Variants in ZNF841 observed in about 807,000 individuals in gnomAD.
The protein encoded by ZNF841 is TCONS_00006091.
Under a neutral mutation model 13.0 loss-of-function variants are expected in ZNF841, and 11 were observed. The ratio of observed to expected loss-of-function variants is 0.85; its 90% confidence interval spans 0.53 to 1.40. The LOEUF (loss-of-function observed/expected upper bound fraction) is 1.40. ZNF841 is among the 40% of genes most tolerant of loss of function. ZNF841 has a pLI of 0.00. For missense variants in ZNF841, 1,068 were observed against 1,139.5 expected, an observed-to-expected ratio of 0.94 and a Z score of 0.90; for synonymous variants, 369 against 381.6, an observed-to-expected ratio of 0.97 and a Z score of 0.38.
intron 2 of ZNF841, among the ~76,000 whole-genome samples, chr19:52,090,724 AAAAG>A (rs2088467662): frequency 6.6e-6 from 1 of 151,152 alleles, no homozygotes; most frequent in African/African-American, 2.4e-5. Context: ...AAAGAAAGAA[AAAAG>A]AAAGGACTGT....
intron 4 of ZNF841, among the ~76,000 whole-genome samples, chr19:52,080,030 C>T (rs1253868350): frequency 6.7e-6 from 1 of 149,486 alleles, no homozygotes; most frequent in Non-Finnish European, 1.5e-5. Flanking sequence ...AACATGATTG[C>T]AACCCAGAAA....
rs1185890558 is a variant in ZNF841, at chr19:52,066,632, G to C, written c.1250C>G (p.Thr417Ser). 1.9e-6 allele frequency: 3 copies of C among 1,613,592 alleles called. No homozygotes were observed. The Admixed American group carries it at 5.0e-5, about 27-fold the overall frequency. Residue 417 changes from threonine to serine, a missense_variant, in exon 7 of 7, where the codon ACT (threonine) becomes AGT (serine). Coordinates refer to ENST00000594440, the MANE Select transcript of ZNF841 (RefSeq NM_001136499.2). ...GKTFKRNSSLTAHHIIHAGKK... is the reference protein window; with the variant it reads ...GKTFKRNSSLSAHHIIHAGKK... ...TCCTGCATGGATTATATGATGTGCA[G>C]TGAGGCTTGAGTTCCGTTTAAAGGT... is the stretch of plus-strand genomic sequence containing the variant.
In ZNF841 at chr19:52,064,651, C is replaced by G. The variant is rs1170296912; in HGVS notation, c.*456G>C. 6.5e-6 allele frequency: 1 copy of G among 154,408 alleles called. No homozygotes were observed. Among genetic ancestry groups the G allele is most frequent in the Non-Finnish European group, 1.5e-5 (1 of 68,782 alleles). The allele number at this position is 154,408 out of a possible 1,614,324, so 9.6% of individuals were successfully genotyped here. ...CCATTCACTTTCGTGCGTGCGTGTG[C>G]GTGATGGAGTCTCACTCTGTCACCC... is the stretch of plus-strand genomic sequence containing the variant. On this transcript the variant is annotated 3_prime_UTR_variant, in exon 7 of 7. Transcript: ENST00000594440.
rs75986045 is a variant in ZNF841 at position 52,083,293 on chromosome 19, G to A, written c.15+1494C>T. Among the ~76,000 whole-genome samples the A allele has an allele frequency of 1.8e-3, 274 of 151,982 alleles. 1 individual carries two copies. Among genetic ancestry groups the A allele is most frequent in the African/African-American group, 6.3e-3 (261 of 41,456 alleles). On this transcript the variant is annotated intron_variant, in intron 4 of 6. Transcript: ENST00000594440. ...AAAAGGAACCTGGGTTCCTCTGGGTGGGTAATTGAAAGAGTGATTGCCTCT... is the reference window on the plus strand; with the variant it reads ...AAAAGGAACCTGGGTTCCTCTGGGTAGGTAATTGAAAGAGTGATTGCCTCT...
intron 6 of ZNF841, among the ~76,000 whole-genome samples, chr19:52,073,646 T>A (rs1312776480): frequency 6.6e-6 from 1 of 152,190 alleles, no homozygotes; most frequent in East Asian, 1.9e-4. Flanking sequence ...TCTTCATTGC[T>A]TGAGCATCAC....
chr19:52,093,259 A>G (rs923491503), intron 2 of ZNF841, among the ~76,000 whole-genome samples: 2 of 152,242 alleles, frequency 1.3e-5, no homozygotes, highest in African/African-American at 4.8e-5. Flanking sequence ...GTTCATGTGT[A>G]CATATATATA....
Position 52,076,989 on chromosome 19 carries a change from C to A in ZNF841, c.111G>T (p.Met37Ile), listed in dbSNP as rs780412592. The A allele has an allele frequency of 2.5e-6, 4 of 1,613,386 alleles. No homozygotes were observed. In the South Asian group the frequency reaches 4.4e-5, roughly 18 times the overall value. ...PVQKALYRDV[M>I]LENYRNLGFL... ...AGCCGAGGTTCCTGTAGTTCTCCAA[C>A]ATCACGTCCCTGTACAAAGCTTTCT... Residue 37 changes from methionine to isoleucine, a missense_variant, in exon 5 of 7, where the codon ATG becomes ATT. Transcript: ENST00000594440.
At chr19:52,064,352 C>CAAAAAAAAAAAAAAAAAAAAAAAAAAAA (rs1568532352), downstream of ZNF841, 1 of 48,978 alleles carries the variant, frequency 2.0e-5, no homozygotes, top group Non-Finnish European at 4.4e-5. Context: ...GACTCCGTCT[C>CAAAAAAAAAAAAAAAAAAAAAAAAAAAA]CAAAAAAAAA....
chr19:52,084,865 T>C lies in ZNF841; in HGVS notation c.-64A>G. On this transcript the variant is annotated 5_prime_UTR_variant, in exon 4 of 7. Transcript: ENST00000594440. Reference sequence around the variant, plus strand: ...CTCTCTCAGTCAATATAATTAATTCTTTAAAAGTCAAATCTGAAAGTCAAA... The same window carrying C: ...CTCTCTCAGTCAATATAATTAATTCCTTAAAAGTCAAATCTGAAAGTCAAA... 1 of 1,536,940 alleles carries C rather than the reference T, an allele frequency of 6.5e-7. No homozygotes were observed.
chr19:52,090,657 A>AGG lies in ZNF841; in HGVS notation c.-143-1656_-143-1655insCC, dbSNP rs1468958771. Among the ~76,000 whole-genome samples the AGG allele has an allele frequency of 3.3e-3, 347 of 103,666 alleles. 3 individuals carry two copies. Among genetic ancestry groups the AGG allele is most frequent in the African/African-American group, 9.3e-3 (248 of 26,798 alleles). 68.0% of individuals were successfully genotyped at this position (103,666 alleles called of 152,430 possible). Reference sequence around the variant, plus strand: ...AAGGAAGGAAGGAAGGAAGGAAGGAAAGAAAGAAAGAAAGAAAGAAAGAAA... The same window carrying AGG: ...AAGGAAGGAAGGAAGGAAGGAAGGAAGGAGAAAGAAAGAAAGAAAGAAAGAAA... On this transcript the variant is annotated intron_variant, in intron 2 of 6. Coordinates refer to ENST00000594440, the MANE Select transcript of ZNF841 (RefSeq NM_001136499.2).
chr19:52,062,653 C>T (rs1369754078), downstream of ZNF841, among the ~76,000 whole-genome samples: 1 of 152,106 alleles, frequency 6.6e-6, no homozygotes, highest in Non-Finnish European at 1.5e-5. Flanking sequence ...GTCAACTAGC[C>T]TTTTTAAGAA....
In ZNF841 at chr19:52,065,489, C is replaced by T. The variant is rs767295786; in HGVS notation, c.2393G>A (p.Cys798Tyr). The change falls in exon 7 of 7, where the codon TGT becomes TAT. Residue 798 changes from cysteine to tyrosine, a missense_variant. By Grantham distance (194) the Cys-to-Tyr change is radical (BLOSUM62 -2). Coordinates refer to ENST00000594440, the MANE Select transcript of ZNF841 (RefSeq NM_001136499.2). ...TGAACGTACTCTAAAGGCTTTGCCA[C>T]ACTCATTACATTTGTAAGGTTTCTC... The part of the protein sequence containing the change: ...TGEKPYKCNE[C>Y]GKAFRVRSIL... The T allele has an allele frequency of 6.2e-7, 1 of 1,613,992 alleles. No homozygotes were observed. The highest frequency in any genetic ancestry group is 1.7e-5 in the Admixed American group (1 of 60,008).
rs761072240 is a variant in ZNF841, at chr19:52,065,224, G to A, written c.2658C>T (p.Tyr886=). ...GTTTAGTGAGGCCTGAGCGACTAAT[G>A]TAAGATTTGCCACACTCATTACATT... The part of the protein sequence containing the change: ...PYKCNECGKS[Y]ISRSGLTKHQ... Residue 886 remains tyrosine, a synonymous_variant, in exon 7 of 7, where the codon TAC becomes TAT. Coordinates refer to ENST00000594440, the MANE Select transcript of ZNF841 (RefSeq NM_001136499.2). 1 of 1,613,426 alleles carries A rather than the reference G, an allele frequency of 6.2e-7. No homozygotes were observed. Among genetic ancestry groups the A allele is most frequent in the Non-Finnish European group, 8.5e-7 (1 of 1,179,676 alleles).
chr19:52,088,023 G>A (rs2088339643), intron 3 of ZNF841, among the ~76,000 whole-genome samples: 1 of 141,130 alleles, frequency 7.1e-6, no homozygotes, highest in South Asian at 2.5e-4. Context: ...ATCTTAACGT[G>A]CAGCCCAAAA....
intron 1 of ZNF841, among the ~76,000 whole-genome samples, chr19:52,095,240 G>A (rs1227899250): frequency 6.6e-6 from 1 of 152,212 alleles, no homozygotes; most frequent in Non-Finnish European, 1.5e-5. Context: ...GAAGGACCCG[G>A]CGTGAGGACG....
intron 5 of ZNF841, 69 bp downstream of exon 5, chr19:52,076,889 A>G: frequency 6.3e-7 from 1 of 1,578,790 alleles, no homozygotes; most frequent in Non-Finnish European, 8.6e-7. Context: ...GCCTCACAAG[A>G]AACACAATAA....
Position 52,065,324 on chromosome 19 carries a change from T to C in ZNF841, c.2558A>G (p.Glu853Gly), listed in dbSNP as rs776919537. The C allele has an allele frequency of 1.2e-6, 2 of 1,610,932 alleles. No individual in the cohort carries two copies. The highest frequency in any genetic ancestry group is 4.5e-5 in the East Asian group (2 of 44,852). ...HTGEKPYKCM[E>G]CGKAFGRRSC... ...CCGCCGCCCAAACGCCTTGCCACAT[T>C]CCATACATTTGTATGGCTTCTCTCC... Residue 853 changes from glutamate to glycine, a missense_variant, in exon 7 of 7, where the codon GAA becomes GGA. Physicochemically the swap from Glu to Gly is moderately conservative, Grantham distance 98. Coordinates refer to ENST00000594440, the MANE Select transcript of ZNF841 (RefSeq NM_001136499.2).
chr19:52,067,053 T>G lies in ZNF841; in HGVS notation c.829A>C (p.Ile277Leu), dbSNP rs2087597552. ...GTAGTATGTATCATCTGATGATTAA[T>G]AAGACTTGAAGACACTCTGAAGGCT... ...GKAFRVSSSL[I>L]NHQMIHTTEK... is the part of the protein sequence containing the mutation. The change falls in exon 7 of 7, where the codon ATT becomes CTT. Residue 277 changes from isoleucine (I) to leucine (L), a missense_variant. Coordinates refer to ENST00000594440, the MANE Select transcript of ZNF841 (RefSeq NM_001136499.2). 6.2e-7 allele frequency: 1 copy of G among 1,612,006 alleles called. No individual in the cohort carries two copies. Among genetic ancestry groups the G allele is most frequent in the Non-Finnish European group, 8.5e-7 (1 of 1,178,820 alleles).
intron 1 of ZNF841, among the ~76,000 whole-genome samples, chr19:52,094,859 T>A (rs1414170163): frequency 1.3e-5 from 2 of 152,100 alleles, no homozygotes; most frequent in African/African-American, 4.8e-5. Flanking sequence ...GTCCCCTTTT[T>A]TTCTAAATTT....
Sources: allele counts gnomAD v4.1 joint callset (sites outside exome capture counted in the v4.1 genomes callset), GRCh38; gene constraint gnomAD v4.1.1; transcripts MANE v1.5; gene names NCBI Gene and HGNC (gene_info 2026-07-23, HGNC 2026-07-21).